MYO5C: variants seen among roughly 807,000 people sequenced by gnomAD.
MYO5C encodes unconventional myosin-Vc.
Under a neutral mutation model 235.7 loss-of-function variants are expected in MYO5C, and 194 were observed. That is an observed-to-expected ratio of 0.82 (90% CI 0.73 to 0.93). MYO5C has a LOEUF of 0.93. Among genes scored for constraint, MYO5C ranks in the 40% least tolerant of loss-of-function variants. The pLI is 0.00. For missense variants in MYO5C, 2,038 were observed against 2,127.2 expected (o/e 0.96, Z 0.82); for synonymous variants, 707 against 754.8 (o/e 0.94, Z 1.04).
chr15:52,225,065 A>G lies in MYO5C; in HGVS notation c.3365+10T>C, dbSNP rs200400435. 2.8e-4 allele frequency: 457 copies of G among 1,613,942 alleles called. 6 individuals are homozygous for G. Among genetic ancestry groups the G allele is most frequent in the Middle Eastern group, 3.3e-4 (2 of 6,082 alleles). ...TGTCTTAAAATGTTTGATAATGCAA[A>G]AATGATTACCTGCTTCTTACATCTT... On this transcript the variant is annotated intron_variant, in intron 27 of 40. Coordinates refer to ENST00000261839, the MANE Select transcript of MYO5C (RefSeq NM_018728.4).
At chr15:52,288,807 G>A (rs78695709) in intron 1 of MYO5C, among the ~76,000 whole-genome samples, 4,372 of 152,260 alleles carry the variant, frequency 0.029, 216 homozygotes, top group African/African-American at 0.098. Flanking sequence ...GAAAGAGAGG[G>A]CCACCTCCCA....
rs141231620 is a variant in MYO5C at position 52,193,638 on chromosome 15, G to A, written c.*264C>T. On this transcript the variant is annotated 3_prime_UTR_variant, in exon 41 of 41. Transcript: ENST00000261839. ...AAGAGGCACGTGGAAGAAAATATGA[G>A]CCCTCCAGGAATTTCAGTGAAAACC... 228 of 401,472 alleles carry A rather than the reference G, an allele frequency of 5.7e-4. 1 individual carries two copies. The highest frequency in any genetic ancestry group is 4.3e-3 in the African/African-American group (205 of 47,136). 24.9% of individuals were successfully genotyped at this position (401,472 alleles called of 1,614,324 possible).
chr15:52,282,185 G>A (rs1330945892), intron 2 of MYO5C, among the ~76,000 whole-genome samples: 6 of 152,228 alleles, frequency 3.9e-5, no homozygotes, highest in Non-Finnish European at 1.5e-5. Flanking sequence ...AGCACCAACA[G>A]AGGCACCTCA....
At chr15:52,290,867 T>TA (rs34990033) in intron 1 of MYO5C, among the ~76,000 whole-genome samples, 8,951 of 152,088 alleles carry the variant, frequency 0.059, 348 homozygotes, top group South Asian at 0.15. Context: ...TGTATTTAGG[T>TA]AAAAAAAATC....
chr15:52,226,272 C>T (rs2035820805), intron 25 of MYO5C, among the ~76,000 whole-genome samples: 1 of 152,070 alleles, frequency 6.6e-6, no homozygotes, highest in Non-Finnish European at 1.5e-5. Flanking sequence ...GGAGCAGTGG[C>T]AGAGACTGGT....
At chr15:52,203,763 T>C (rs957835762) in intron 38 of MYO5C, among the ~76,000 whole-genome samples, 9 of 152,194 alleles carry the variant, frequency 5.9e-5, no homozygotes, top group Non-Finnish European at 8.8e-5. Flanking sequence ...ATTAACCATT[T>C]CCACCTCTAC....
chr15:52,287,496 T>C, intron 1 of MYO5C, among the ~76,000 whole-genome samples: 1 of 152,218 alleles, frequency 6.6e-6, no homozygotes, highest in East Asian at 1.9e-4. Context: ...TATGTACCTA[T>C]TACTTTCATA....
At chr15:52,260,758 T>C in intron 10 of MYO5C, 104 bp downstream of exon 10, 1 of 1,302,376 alleles carries the variant, frequency 7.7e-7, no homozygotes, top group Non-Finnish European at 1.1e-6. Flanking sequence ...ATGTTATCTT[T>C]CTAATCATGT....
In MYO5C at chr15:52,204,990, G is replaced by A. The variant is rs200531900; in HGVS notation, c.4695C>T (p.Asn1565=). ...LSYFYTTMCQ[N]GLDPELVRQA... is the part of the protein sequence containing the mutation. ...GCCTCACAAGCTCGGGGTCCAGGCC[G>A]TTCTGGCACATGGTGGTGTAAAAGT... Residue 1565 remains asparagine, a synonymous_variant, in exon 38 of 41, where the codon AAC becomes AAT. Coordinates refer to ENST00000261839, the MANE Select transcript of MYO5C (RefSeq NM_018728.4). 7 of 1,614,110 alleles carry A rather than the reference G, an allele frequency of 4.3e-6. No individual in the cohort carries two copies. Among genetic ancestry groups the A allele is most frequent in the African/African-American group, 2.7e-5 (2 of 74,930 alleles).
At chr15:52,249,286 C>T (rs922906150) in intron 13 of MYO5C, among the ~76,000 whole-genome samples, 2 of 152,188 alleles carry the variant, frequency 1.3e-5, no homozygotes, top group Admixed American at 6.5e-5. Flanking sequence ...AACCTTTGCA[C>T]TGCTTGAATC....
In MYO5C at chr15:52,224,913, T is replaced by C; in HGVS notation, c.3434A>G (p.Lys1145Arg). 6.2e-7 allele frequency: 1 copy of C among 1,613,510 alleles called. No homozygotes were observed. The highest frequency in any genetic ancestry group is 8.5e-7 in the Non-Finnish European group (1 of 1,179,674). ...GELWFAYEGLKKATRVLESHF... is the reference protein window; with the variant it reads ...GELWFAYEGLRKATRVLESHF... The stretch of plus-strand genomic sequence containing the variant: ...GAGAATTTCTAACCGTGTTGCTTTC[T>C]TTAGTCCTTCATAAGCAAACCAAAG... Residue 1145 changes from lysine to arginine, a missense_variant, in exon 28 of 41, where the codon AAG becomes AGG. By Grantham distance (26) the Lys-to-Arg change is conservative. Transcript: ENST00000261839.
chr15:52,250,566 C>T (rs2036450328), intron 13 of MYO5C, among the ~76,000 whole-genome samples: 1 of 152,152 alleles, frequency 6.6e-6, no homozygotes, highest in African/African-American at 2.4e-5. Context: ...TAATATTTTA[C>T]AGTACTCTGC....
intron 5 of MYO5C, among the ~76,000 whole-genome samples, chr15:52,273,372 C>T (rs2036966849): frequency 6.6e-6 from 1 of 152,126 alleles, no homozygotes; most frequent in Non-Finnish European, 1.5e-5. Flanking sequence ...TCTTAATTTC[C>T]CTATCTGTAA....
At chr15:52,256,203 G>A (rs1475903066) in intron 11 of MYO5C, among the ~76,000 whole-genome samples, 1 of 152,152 alleles carries the variant, frequency 6.6e-6, no homozygotes, top group African/African-American at 2.4e-5. Flanking sequence ...ATCGCAGGAG[G>A]CTCTCAGGGA....
chr15:52,272,134 C>T (rs1277872019), intron 6 of MYO5C, among the ~76,000 whole-genome samples: 1 of 152,242 alleles, frequency 6.6e-6, no homozygotes, highest in African/African-American at 2.4e-5. Flanking sequence ...TCCTGCAATA[C>T]AAGGCTTTCT....
At chr15:52,206,566 T>G (rs2035319287) in intron 36 of MYO5C, among the ~76,000 whole-genome samples, 2 of 152,046 alleles carry the variant, frequency 1.3e-5, no homozygotes, top group South Asian at 4.2e-4. Context: ...GCTTGCCCTC[T>G]CTCTCCCTCT....
At chr15:52,206,092 T>C (rs760359565) in intron 36 of MYO5C, 126 bp from the exon 37 acceptor site, 221 of 600,766 alleles carry the variant, frequency 3.7e-4, no homozygotes, top group Middle Eastern at 9.1e-4. Flanking sequence ...TTCATGATGC[T>C]TGGGGTAGCA....
At chr15:52,283,226 T>C (rs1489747031) in intron 1 of MYO5C, among the ~76,000 whole-genome samples, 1 of 152,208 alleles carries the variant, frequency 6.6e-6, no homozygotes, top group Non-Finnish European at 1.5e-5. Context: ...TCACCACTGA[T>C]TTGACTATGG....
intron 20 of MYO5C, among the ~76,000 whole-genome samples, chr15:52,240,685 T>C (rs953986860): frequency 1.3e-5 from 2 of 152,214 alleles, no homozygotes; most frequent in Admixed American, 6.5e-5. Context: ...TGAGCCATGG[T>C]TGTGCCACTG....
Sources: allele counts gnomAD v4.1 joint callset (sites outside exome capture counted in the v4.1 genomes callset), GRCh38; gene constraint gnomAD v4.1.1; transcripts MANE v1.5; gene names NCBI Gene and HGNC (gene_info 2026-07-23, HGNC 2026-07-21).